The following DGKB variants were observed in gnomAD, a reference collection of about 807,000 sequenced individuals.
DGKB encodes the protein diacylglycerol kinase beta.
DGKB carries 67 observed loss-of-function variants against 114.3 expected under a neutral mutation model. The ratio of observed to expected loss-of-function variants is 0.59; its 90% CI spans 0.48 to 0.72. The LOEUF is 0.72. DGKB is among the 30% of genes least tolerant of loss of function. DGKB has a pLI of 0.00. For synonymous variants in DGKB, 398 were observed against 323.1 expected (o/e 1.23, Z -2.49); for missense variants, 907 against 975.2 (o/e 0.93, Z 0.93).
intron 20 of DGKB, among the ~76,000 whole-genome samples, chr7:14,487,301 AG>A (rs1783962965): frequency 6.6e-6 from 1 of 152,210 alleles, no homozygotes; most frequent in Non-Finnish European, 1.5e-5. Flanking sequence ...TGTGTTGAAA[AG>A]AAATGAAACC....
intron 1 of DGKB, among the ~76,000 whole-genome samples, chr7:14,953,234 T>TAAATTTTAA (rs1786307517): frequency 6.6e-6 from 1 of 152,100 alleles, no homozygotes; most frequent in Non-Finnish European, 1.5e-5. Flanking sequence ...TAAAGTTCTG[T>TAAATTTTAA]GCTTCAAAGA....
chr7:14,940,283 G>A (rs1226520056), intron 1 of DGKB, among the ~76,000 whole-genome samples: 1 of 151,716 alleles, frequency 6.6e-6, no homozygotes, highest in African/African-American at 2.4e-5. Context: ...ATCTCAAAGA[G>A]GGAATGTACT....
chr7:14,374,910 T>C (rs552344440), intron 21 of DGKB, among the ~76,000 whole-genome samples: 2 of 152,270 alleles, frequency 1.3e-5, no homozygotes, highest in East Asian at 1.9e-4. Flanking sequence ...GGGCACAGAT[T>C]GTCCGTCTGT....
chr7:14,318,701 A>G (rs1807123097), intron 23 of DGKB, among the ~76,000 whole-genome samples: 1 of 152,086 alleles, frequency 6.6e-6, no homozygotes. Context: ...ACTGTAAACT[A>G]GTTCACCCAT....
At chr7:14,606,622 A>G (rs1413594178) in intron 17 of DGKB, among the ~76,000 whole-genome samples, 1 of 151,880 alleles carries the variant, frequency 6.6e-6, no homozygotes, top group Non-Finnish European at 1.5e-5. Flanking sequence ...TGAAGCATGC[A>G]TAAAGCTTAT....
At chr7:14,461,815 C>A (rs1472533033) in intron 21 of DGKB, among the ~76,000 whole-genome samples, 2 of 152,068 alleles carry the variant, frequency 1.3e-5, no homozygotes, top group African/African-American at 4.8e-5. Flanking sequence ...AAGAAAATTT[C>A]AGGCCAATAT....
intron 9 of DGKB, among the ~76,000 whole-genome samples, chr7:14,693,410 C>G (rs1172274514): frequency 6.6e-6 from 1 of 151,926 alleles, no homozygotes; most frequent in Non-Finnish European, 1.5e-5. Context: ...ATATTACATT[C>G]TCATCTTAGG....
intron 23 of DGKB, among the ~76,000 whole-genome samples, chr7:14,216,183 G>T (rs1788933875): frequency 6.6e-6 from 1 of 152,072 alleles, no homozygotes; most frequent in South Asian, 2.1e-4. Context: ...AGAACAAGAA[G>T]AAGAAATAAT....
intron 1 of DGKB, among the ~76,000 whole-genome samples, chr7:14,900,432 C>T (rs73680382): frequency 0.029 from 4,459 of 152,128 alleles, 209 homozygotes; most frequent in African/African-American, 0.1. Flanking sequence ...CTGAAGGCAG[C>T]CAGAAGAAAC....
intron 23 of DGKB, among the ~76,000 whole-genome samples, chr7:14,184,560 C>T (rs1783120215): frequency 6.6e-6 from 1 of 152,084 alleles, no homozygotes; most frequent in Admixed American, 6.5e-5. Context: ...CATAATCCTC[C>T]TAGGTATACA....
chr7:14,931,379 G>A (rs1785011592), intron 1 of DGKB, among the ~76,000 whole-genome samples: 1 of 152,136 alleles, frequency 6.6e-6, no homozygotes, highest in African/African-American at 2.4e-5. Flanking sequence ...CAAAGTGCTG[G>A]GATTACAGGC....
intron 21 of DGKB, among the ~76,000 whole-genome samples, chr7:14,465,833 T>C (rs1780381983): frequency 6.6e-6 from 1 of 152,238 alleles, no homozygotes; most frequent in Non-Finnish European, 1.5e-5. Flanking sequence ...GTCTTAATTC[T>C]TCATAGTGAA....
intron 15 of DGKB, among the ~76,000 whole-genome samples, chr7:14,616,923 G>C (rs1806648765): frequency 6.6e-6 from 1 of 151,778 alleles, no homozygotes; most frequent in African/African-American, 2.4e-5. Context: ...AATTTGATGT[G>C]CAGGGTATTC....
rs111807463 is a variant in DGKB at position 14,408,153 on chromosome 7, T to G, written c.1836-62762A>C. On this transcript the variant is annotated intron_variant, in intron 21 of 25. Transcript: ENST00000402815. ...CCTGACAAAGTAGGCACATCCCTCT[T>G]TCACGGTTTAATGATCAATTACTCA... 6.3e-4 allele frequency among the ~76,000 whole-genome samples: 96 copies of G among 152,244 alleles called. 1 individual carries two copies. The highest frequency in any genetic ancestry group is 2.3e-3 in the African/African-American group (94 of 41,566).
chr7:14,672,818 A>G, intron 13 of DGKB, 111 bp downstream of exon 13: 1 of 570,686 alleles, frequency 1.8e-6, no homozygotes, highest in Non-Finnish European at 3.1e-6. Context: ...TTAGATCTAT[A>G]TACTTCTACC....
chr7:14,658,914 AACTTT>A (rs1217102432), intron 13 of DGKB, among the ~76,000 whole-genome samples: 7 of 151,950 alleles, frequency 4.6e-5, no homozygotes, highest in African/African-American at 7.2e-5. Context: ...TTCTTTTTTA[AACTTT>A]ACTTTAAAGT....
chr7:14,578,416 A>G (rs1799471975), intron 19 of DGKB, among the ~76,000 whole-genome samples: 1 of 152,196 alleles, frequency 6.6e-6, no homozygotes, highest in Non-Finnish European at 1.5e-5. Flanking sequence ...ACAGCACACA[A>G]TTGTTAAGTA....
At chr7:14,691,887 C>A (rs943438893) in intron 9 of DGKB, among the ~76,000 whole-genome samples, 2 of 150,622 alleles carry the variant, frequency 1.3e-5, no homozygotes, top group Non-Finnish European at 3.0e-5. Flanking sequence ...TTAGATTTCT[C>A]CTATTTAGCT....
intron 20 of DGKB, among the ~76,000 whole-genome samples, chr7:14,494,047 G>A (rs1037340611): frequency 1.3e-5 from 2 of 151,266 alleles, no homozygotes; most frequent in Non-Finnish European, 2.9e-5. Flanking sequence ...TTACATGTAT[G>A]GCCAAAATGC....
Sources: allele counts gnomAD v4.1 joint callset (sites outside exome capture counted in the v4.1 genomes callset), GRCh38; gene constraint gnomAD v4.1.1; transcripts MANE v1.5; gene names NCBI Gene and HGNC (gene_info 2026-07-23, HGNC 2026-07-21).